Variants in ADAM23 observed in about 807,000 individuals in gnomAD.
The protein encoded by ADAM23 is disintegrin and metalloproteinase domain-containing protein 23.
A neutral mutation model predicts 120.1 loss-of-function variants in ADAM23; 33 were observed. That is an observed-to-expected ratio of 0.27 (90% CI 0.21 to 0.37). ADAM23 has a LOEUF of 0.37. Ranked by LOEUF, ADAM23 falls within the 10% of genes least tolerant of loss-of-function variation. The pLI is 1.00. For missense variants in ADAM23, 862 were observed against 1,058.2 expected, an observed-to-expected ratio of 0.81 and a Z score of 2.57; for synonymous variants, 367 against 375.2, an observed-to-expected ratio of 0.98 and a Z score of 0.25.
At chr2:206,571,165 G>C (rs1244939661) in intron 16 of ADAM23, among the ~76,000 whole-genome samples, 1 of 152,148 alleles carries the variant, frequency 6.6e-6, no homozygotes, top group Non-Finnish European at 1.5e-5. Context: ...AATTGGAGGA[G>C]AATTGCCTGC....
At position 206,443,562 on chromosome 2, in the gene ADAM23, C is replaced by A. The variant is rs1444518566; in HGVS notation, c.-305C>A. Reference sequence around the variant, plus strand: ...CAGGCCCGGCGGCAGCCCCCGCAGTCGCTGAAGCGGCCGCGCCCGCCGGGG... The same window carrying A: ...CAGGCCCGGCGGCAGCCCCCGCAGTAGCTGAAGCGGCCGCGCCCGCCGGGG... On this transcript the variant is annotated 5_prime_UTR_variant, in exon 1 of 26. Transcript: ENST00000264377. The A allele has an allele frequency of 6.8e-6, 1 of 147,942 alleles. No individual in the cohort carries two copies. Among genetic ancestry groups the A allele is most frequent in the Non-Finnish European group, 1.5e-5 (1 of 66,474 alleles). The allele number at this position is 147,942 out of a possible 1,614,324, so 9.2% of individuals were successfully genotyped here.
chr2:206,545,395 A>G (rs762313860), intron 6 of ADAM23, among the ~76,000 whole-genome samples: 5 of 152,156 alleles, frequency 3.3e-5, no homozygotes, highest in Non-Finnish European at 7.3e-5. Flanking sequence ...CTGAGGCAGA[A>G]GAATCGCTTG....
At chr2:206,561,240 T>C (rs2105822446) in intron 12 of ADAM23, 28 bp downstream of exon 12, 2 of 1,584,008 alleles carry the variant, frequency 1.3e-6, no homozygotes, top group East Asian at 2.2e-5. Flanking sequence ...GAGTTTCATC[T>C]TTGCATCTGT....
In ADAM23 at chr2:206,580,783, T is replaced by A. The variant is rs11889595; in HGVS notation, c.1738-6542T>A. On this transcript the variant is annotated intron_variant, in intron 18 of 25. Transcript: ENST00000264377. ...TTCTCTATCTTGTGGAATAGTGTCA[T>A]AAGGATTGGTACCAATTCTTTGAAT... Among the ~76,000 whole-genome samples the A allele has an allele frequency of 6.7e-3, 1,016 of 152,240 alleles. 19 individuals carry two copies. Among genetic ancestry groups the A allele is most frequent in the African/African-American group, 0.024 (978 of 41,550 alleles).
At chr2:206,598,290 C>G (rs972136581) in intron 24 of ADAM23, among the ~76,000 whole-genome samples, 6 of 152,064 alleles carry the variant, frequency 3.9e-5, no homozygotes, top group African/African-American at 1.4e-4. Context: ...GCTAAATTTA[C>G]TTAGACTCTG....
At chr2:206,612,843 G>A (rs1698852240) in intron 25 of ADAM23, among the ~76,000 whole-genome samples, 2 of 152,178 alleles carry the variant, frequency 1.3e-5, no homozygotes, top group African/African-American at 4.8e-5. Context: ...TAATAAAGAT[G>A]TATCAAGATT....
chr2:206,529,167 A>T (rs372392498), intron 3 of ADAM23, among the ~76,000 whole-genome samples: 7 of 152,288 alleles, frequency 4.6e-5, no homozygotes, highest in African/African-American at 1.7e-4. Context: ...TCTGTACTGA[A>T]TAAGTACTAG....
chr2:206,579,774 G>A (rs1002268498), intron 18 of ADAM23, among the ~76,000 whole-genome samples: 1 of 152,092 alleles, frequency 6.6e-6, no homozygotes, highest in Non-Finnish European at 1.5e-5. Context: ...GAATGATGGT[G>A]GTATTCTGAT....
chr2:206,468,178 C>T (rs1373572556), intron 2 of ADAM23, among the ~76,000 whole-genome samples: 1 of 152,120 alleles, frequency 6.6e-6, no homozygotes, highest in Non-Finnish European at 1.5e-5. Flanking sequence ...ACTCCTTTTT[C>T]CTTATGCAAA....
At position 206,525,677 on chromosome 2, in the gene ADAM23, T is replaced by C. The variant is rs558103323; in HGVS notation, c.510-5208T>C. Among the ~76,000 whole-genome samples, 9 of 150,042 alleles carry C rather than the reference T, an allele frequency of 6.0e-5. No homozygotes were observed. The East Asian group carries it at 1.8e-3, about 29-fold the overall frequency. On this transcript the variant is annotated intron_variant, in intron 3 of 25. Transcript: ENST00000264377. The stretch of plus-strand genomic sequence containing the variant: ...TGTGATCTCGGCTCACTGCAACCTC[T>C]GCCTCACAGGTTCAAGCAATTCTCC...
rs149014144 is a variant in ADAM23 at position 206,508,069 on chromosome 2, T to G, written c.510-22816T>G. Among the ~76,000 whole-genome samples the G allele has an allele frequency of 5.8e-4, 88 of 152,180 alleles. 2 individuals are homozygous for G. The East Asian group carries it at 8.6e-3, about 15-fold the overall frequency. On this transcript the variant is annotated intron_variant, in intron 3 of 25. Transcript: ENST00000264377. ...TTTTGAGACGGAGTCTCGCTCTGTT[T>G]CCCAGGCTGGAGTGCAGTGGCGCAA...
intron 3 of ADAM23, among the ~76,000 whole-genome samples, chr2:206,501,185 T>C (rs987526138): frequency 2.0e-5 from 3 of 152,248 alleles, no homozygotes; most frequent in Non-Finnish European, 2.9e-5. Context: ...TCATGACATG[T>C]TGAGGTTAGA....
intron 21 of ADAM23, among the ~76,000 whole-genome samples, chr2:206,591,670 T>C (rs1698429070): frequency 6.6e-6 from 1 of 152,202 alleles, no homozygotes; most frequent in African/African-American, 2.4e-5. Context: ...TGTACATAAG[T>C]AGAAAATTTG....
Position 206,475,053 on chromosome 2 carries a change from A to G in ADAM23, c.433-6179A>G, listed in dbSNP as rs900259538. ...CACCTCATGTTTCTTCCTTTGATCT[A>G]TGACCTTGGACAATAACATTAGTTA... On this transcript the variant is annotated intron_variant, in intron 2 of 25. Transcript: ENST00000264377. 1.1e-4 allele frequency among the ~76,000 whole-genome samples: 16 copies of G among 152,304 alleles called. No individual in the cohort carries two copies. The East Asian group carries it at 3.1e-3, about 29-fold the overall frequency.
chr2:206,560,365 A>T (rs1697739191), intron 11 of ADAM23, among the ~76,000 whole-genome samples: 1 of 151,868 alleles, frequency 6.6e-6, no homozygotes, highest in Non-Finnish European at 1.5e-5. Flanking sequence ...ACAATCTAGG[A>T]TGCCTGCTGG....
intron 3 of ADAM23, among the ~76,000 whole-genome samples, chr2:206,513,835 T>G (rs1696676604): frequency 6.6e-6 from 1 of 152,222 alleles, no homozygotes; most frequent in Admixed American, 6.5e-5. Context: ...TTTAGCATTC[T>G]GAAAATCCTA....
chr2:206,570,518 TC>T (rs1203871724), intron 15 of ADAM23, among the ~76,000 whole-genome samples: 6 of 152,078 alleles, frequency 3.9e-5, no homozygotes, highest in Non-Finnish European at 8.8e-5. Context: ...AGCCAGAGAA[TC>T]CCCCAAGAGA....
intron 4 of ADAM23, among the ~76,000 whole-genome samples, chr2:206,537,047 A>T (rs1697191270): frequency 6.6e-6 from 1 of 152,094 alleles, no homozygotes; most frequent in South Asian, 2.1e-4. Flanking sequence ...CAGAAAAAAT[A>T]TTGATTTACC....
At chr2:206,539,351 C>G (rs1344979628) in intron 4 of ADAM23, among the ~76,000 whole-genome samples, 1 of 152,074 alleles carries the variant, frequency 6.6e-6, no homozygotes, top group Non-Finnish European at 1.5e-5. Flanking sequence ...TGAATCGAGC[C>G]CTTTTTGGTT....
Sources: allele counts gnomAD v4.1 joint callset (sites outside exome capture counted in the v4.1 genomes callset), GRCh38; gene constraint gnomAD v4.1.1; transcripts MANE v1.5; gene names NCBI Gene and HGNC (gene_info 2026-07-23, HGNC 2026-07-21).